Variants in UGT1A9 observed in about 807,000 individuals in gnomAD.
The protein encoded by UGT1A9 is UDP-glucuronosyltransferase 1A9.
In UGT1A9, 35 loss-of-function variants were observed where a neutral mutation model predicts 45.0. The ratio of observed to expected loss-of-function variants is 0.78; its 90% CI spans 0.59 to 1.03. UGT1A9 has a LOEUF of 1.03. UGT1A9 is among the 50% of genes least tolerant of loss of function. The pLI is 0.00. For synonymous variants in UGT1A9, 278 were observed against 250.6 expected, an observed-to-expected ratio of 1.11 and a Z score of -1.03; for missense variants, 687 against 666.6, an observed-to-expected ratio of 1.03 and a Z score of -0.34.
At chr2:233,728,832 C>T (rs2077754724) in intron 1 of UGT1A9, among the ~76,000 whole-genome samples, 1 of 152,118 alleles carries the variant, frequency 6.6e-6, no homozygotes, top group African/African-American at 2.4e-5. Flanking sequence ...GTGTTCACAG[C>T]CTTGTGTTGG....
intron 1 of UGT1A9, among the ~76,000 whole-genome samples, chr2:233,683,302 A>G (rs2074626925): frequency 6.6e-6 from 1 of 152,108 alleles, no homozygotes; most frequent in South Asian, 2.1e-4. Context: ...TTACAGGTCA[A>G]TGCATACAGA....
At chr2:233,690,783 AC>A (rs1354086409) in intron 1 of UGT1A9, 123 of 1,085,474 alleles carry the variant, frequency 1.1e-4, no homozygotes, top group Non-Finnish European at 1.4e-4. Flanking sequence ...ACATACACAC[AC>A]ACACACACAC....
At chr2:233,692,864 T>A (rs2075117839) in intron 1 of UGT1A9, 1 of 1,477,496 alleles carries the variant, frequency 6.8e-7, no homozygotes, top group South Asian at 1.4e-5. Flanking sequence ...TTCTTACATA[T>A]CAAAGGGTAA....
chr2:233,675,177 TA>T (rs2074312930), intron 1 of UGT1A9, among the ~76,000 whole-genome samples: 1 of 152,140 alleles, frequency 6.6e-6, no homozygotes, highest in Admixed American at 6.6e-5. Flanking sequence ...TTAAATACTT[TA>T]ACAAGGATGG....
chr2:233,682,099 G>A lies in UGT1A9; in HGVS notation c.855+9310G>A, dbSNP rs565225309. 5.0e-6 allele frequency: 8 copies of A among 1,614,208 alleles called. No homozygotes were observed. In the Admixed American group the frequency reaches 8.3e-5, roughly 17 times the overall value. ...AGAAACTCATCCTCAGGGGGCATGA[G>A]GTGGTCGTAGTCATGCCAGAGGTGA... On this transcript the variant is annotated intron_variant, in intron 1 of 4. Coordinates refer to ENST00000354728, the MANE Select transcript of UGT1A9 (RefSeq NM_021027.3).
intron 1 of UGT1A9, chr2:233,754,908 T>C: frequency 7.4e-7 from 1 of 1,352,648 alleles, no homozygotes; most frequent in Non-Finnish European, 9.9e-7. Flanking sequence ...CCCCAAAATA[T>C]TCTCCAGCGG....
At chr2:233,724,744 A>T (rs2077304128) in intron 1 of UGT1A9, among the ~76,000 whole-genome samples, 2 of 143,018 alleles carry the variant, frequency 1.4e-5, no homozygotes, top group South Asian at 5.1e-4. Context: ...GGCTCCTCAC[A>T]TCCCAGACGA....
At chr2:233,677,168 A>G (rs1229687116) in intron 1 of UGT1A9, among the ~76,000 whole-genome samples, 1 of 152,184 alleles carries the variant, frequency 6.6e-6, no homozygotes, top group Non-Finnish European at 1.5e-5. Flanking sequence ...GAGTTTTCCA[A>G]TTCATTAACA....
chr2:233,767,283 C>T (rs1575825850), intron 2 of UGT1A9, 118 bp downstream of exon 2: 2 of 1,571,702 alleles, frequency 1.3e-6, no homozygotes, highest in Non-Finnish European at 1.7e-6. Flanking sequence ...TTCCCTGCCA[C>T]TTCCCAACTA....
chr2:233,719,509 C>T (rs372293131), intron 1 of UGT1A9: 20 of 1,613,850 alleles, frequency 1.2e-5, no homozygotes, highest in Non-Finnish European at 1.7e-5. Context: ...TTTTCTGCCC[C>T]TTATGCAAGT....
intron 3 of UGT1A9, 49 bp from the exon 4 acceptor site, chr2:233,768,166 AGCTGT>A: frequency 6.2e-7 from 1 of 1,613,684 alleles, no homozygotes; most frequent in South Asian, 1.1e-5. Flanking sequence ...AGATGTGTCC[AGCTGT>A]GAAACTCAGA....
At chr2:233,718,615 G>A (rs2076668120) in intron 1 of UGT1A9, 1 of 856,316 alleles carries the variant, frequency 1.2e-6, no homozygotes, top group Non-Finnish European at 1.4e-6. Flanking sequence ...TTCAAGATAG[G>A]CGTGATTGGT....
chr2:233,689,424 C>G (rs1478250131), intron 1 of UGT1A9, among the ~76,000 whole-genome samples: 1 of 152,126 alleles, frequency 6.6e-6, no homozygotes, highest in East Asian at 1.9e-4. Context: ...TAATGGCTTG[C>G]AAGTAAAGGT....
At chr2:233,675,260 A>T (rs1390223484) in intron 1 of UGT1A9, among the ~76,000 whole-genome samples, 1 of 152,198 alleles carries the variant, frequency 6.6e-6, no homozygotes. Flanking sequence ...CTTCTAAACT[A>T]TATCATTCCG....
chr2:233,688,273 T>C (rs192394276), intron 1 of UGT1A9, among the ~76,000 whole-genome samples: 3 of 152,394 alleles, frequency 2.0e-5, no homozygotes, highest in Non-Finnish European at 4.4e-5. Flanking sequence ...GAATATTCCA[T>C]TGTATGGATT....
In UGT1A9 at chr2:233,672,149, G is replaced by A. The variant is rs780369746; in HGVS notation, c.215G>A (p.Cys72Tyr). The A allele has an allele frequency of 2.3e-5, 37 of 1,614,088 alleles. No individual in the cohort carries two copies. The East Asian group carries it at 8.0e-4, about 35-fold the overall frequency. Residue 72 changes from cysteine (C) to tyrosine (Y), a missense_variant, in exon 1 of 5, where the codon TGC becomes TAC. Transcript: ENST00000354728. ...VSWQLGRSLN[C>Y]TVKTYSTSYT... ...TGGCAACTGGGAAGATCACTGAATTGCACAGTGAAGACTTATTCAACTTCA... is the reference window on the plus strand; with the variant it reads ...TGGCAACTGGGAAGATCACTGAATTACACAGTGAAGACTTATTCAACTTCA...
At chr2:233,743,598 G>C in intron 1 of UGT1A9, 1 of 1,367,308 alleles carries the variant, frequency 7.3e-7, no homozygotes, top group Non-Finnish European at 9.8e-7. Flanking sequence ...AATGGGTCCT[G>C]GCCGCCGAAG....
chr2:233,729,877 C>T, intron 1 of UGT1A9: 5 of 1,613,842 alleles, frequency 3.1e-6, no homozygotes, highest in Non-Finnish European at 4.2e-6. Flanking sequence ...TATTCTCAGT[C>T]ATGCATCTGT....
rs1299617457 is a variant in UGT1A9, at chr2:233,724,834, A to G, written c.856-42200A>G. On this transcript the variant is annotated intron_variant, in intron 1 of 4. Coordinates refer to ENST00000354728, the MANE Select transcript of UGT1A9 (RefSeq NM_021027.3). ...GAGGCTGCAATCTCGGCACTTTGGG[A>G]GGCCAAGGCAGGCGGCTGGGAGGTG... 3.0e-5 allele frequency among the ~76,000 whole-genome samples: 4 copies of G among 132,466 alleles called. 1 individual carries two copies. The highest frequency in any genetic ancestry group is 6.3e-5 in the Non-Finnish European group (4 of 63,510). 86.9% of individuals were successfully genotyped at this position (132,466 alleles called of 152,430 possible).
Sources: gnomAD v4.1 joint callset for allele counts (sites outside exome capture counted in the v4.1 genomes callset) on GRCh38, gnomAD v4.1.1 for gene constraint, MANE v1.5 for transcripts, NCBI Gene and HGNC (gene_info 2026-07-23, HGNC 2026-07-21) for gene names.